Variants in BCKDHA observed in about 807,000 individuals in gnomAD.
BCKDHA encodes branched chain keto acid dehydrogenase E1 subunit alpha.
In BCKDHA, 43 loss-of-function variants were observed where a neutral mutation model predicts 52.2. The observed-to-expected ratio is 0.82, with a 90% confidence interval of 0.64 to 1.06. The LOEUF is 1.06. Among genes scored for constraint, BCKDHA ranks in the 50% least tolerant of loss-of-function variants. The pLI, the probability that BCKDHA is intolerant of heterozygous loss-of-function variation, is 0.00. For synonymous variants in BCKDHA, 234 were observed against 247.9 expected (o/e 0.94, Z 0.53); for missense variants, 527 against 621.3 (o/e 0.85, Z 1.61).
rs982397162 is a variant in BCKDHA, at chr19:41,424,950, C to T, written c.*342C>T. On this transcript the variant is annotated 3_prime_UTR_variant, in exon 9 of 9. Transcript: ENST00000269980. Reference sequence around the variant, plus strand: ...TCAGCCTGTGGAACTTGCGCAGGTGCGAGTGGCCAGCAGAGGTCACGAATA... The same window carrying T: ...TCAGCCTGTGGAACTTGCGCAGGTGTGAGTGGCCAGCAGAGGTCACGAATA... 10 of 261,558 alleles carry T rather than the reference C, an allele frequency of 3.8e-5. No individual in the cohort carries two copies. Among genetic ancestry groups the T allele is most frequent in the African/African-American group, 1.1e-4 (5 of 45,196 alleles). 16.2% of individuals were successfully genotyped at this position (261,558 alleles called of 1,614,324 possible).
intron 1 of BCKDHA, among the ~76,000 whole-genome samples, chr19:41,402,789 T>C (rs2039151484): frequency 1.3e-5 from 2 of 152,086 alleles, no homozygotes; most frequent in South Asian, 2.1e-4. Flanking sequence ...TACAGGTGTG[T>C]GCCACCGTGT....
chr19:41,422,863 T>C (rs745715267), intron 7 of BCKDHA, 93 bp downstream of exon 7: 7 of 1,595,890 alleles, frequency 4.4e-6, no homozygotes, highest in Non-Finnish European at 6.0e-6. Context: ...AACATGGCCT[T>C]ATCACCTGAT....
chr19:41,415,927 G>A (rs1327907272), intron 4 of BCKDHA, among the ~76,000 whole-genome samples: 15 of 148,468 alleles, frequency 1.0e-4, no homozygotes, highest in Non-Finnish European at 1.3e-4. Context: ...GATTACAGGC[G>A]TGAGCCACCA....
intron 5 of BCKDHA, among the ~76,000 whole-genome samples, 192 bp from the exon 6 acceptor site, chr19:41,421,972 C>G (rs2039370616): frequency 1.3e-5 from 2 of 152,078 alleles, no homozygotes; most frequent in Non-Finnish European, 2.9e-5. Flanking sequence ...GGTGGAGTTG[C>G]TTTCAGCTGA....
chr19:41,397,862 G>A lies in BCKDHA; in HGVS notation c.35G>A (p.Arg12Gln), dbSNP rs769659202. 11 of 1,614,084 alleles carry A rather than the reference G, an allele frequency of 6.8e-6. No homozygotes were observed. Among genetic ancestry groups the A allele is most frequent in the Non-Finnish European group, 9.3e-6 (11 of 1,180,058 alleles). The change falls in exon 1 of 9, where the codon CGG becomes CAG. Residue 12 changes from arginine (R) to glutamine (Q), a missense_variant. Coordinates refer to ENST00000269980, the MANE Select transcript of BCKDHA (RefSeq NM_000709.4). ...AVAIAAARVW[R>Q]LNRGLSQAAL... Reference sequence around the variant, plus strand: ...GCGATCGCTGCAGCGAGGGTCTGGCGGCTAAACCGTGGTTTGAGCCAGGCT... The same window carrying A: ...GCGATCGCTGCAGCGAGGGTCTGGCAGCTAAACCGTGGTTTGAGCCAGGCT...
intron 1 of BCKDHA, among the ~76,000 whole-genome samples, chr19:41,406,817 G>A (rs2039198260): frequency 6.6e-6 from 1 of 152,176 alleles, no homozygotes; most frequent in Non-Finnish European, 1.5e-5. Flanking sequence ...TGATCTGCCT[G>A]CCTCGGACTC....
Position 41,424,647 on chromosome 19 carries a change from C to A in BCKDHA, c.*39C>A. On this transcript the variant is annotated 3_prime_UTR_variant, in exon 9 of 9. Transcript: ENST00000269980. ...CACCCCCACCCATCCTCAGCTACCCCGAGAGGTAGCCCCACTCTAAGGGGA... is the reference window on the plus strand; with the variant it reads ...CACCCCCACCCATCCTCAGCTACCCAGAGAGGTAGCCCCACTCTAAGGGGA... 6.4e-7 allele frequency: 1 copy of A among 1,551,676 alleles called. No homozygotes were observed. Among genetic ancestry groups the A allele is most frequent in the South Asian group, 1.2e-5 (1 of 81,808 alleles).
intron 3 of BCKDHA, among the ~76,000 whole-genome samples, chr19:41,412,230 G>A (rs1285333660): frequency 6.7e-6 from 1 of 150,020 alleles, no homozygotes; most frequent in Non-Finnish European, 1.5e-5. Flanking sequence ...CCTCCCAGGC[G>A]TGCTCCTTTG....
At chr19:41,403,891 G>A (rs2039164390) in intron 1 of BCKDHA, among the ~76,000 whole-genome samples, 1 of 152,174 alleles carries the variant, frequency 6.6e-6, no homozygotes, top group African/African-American at 2.4e-5. Context: ...TCCTATGTGG[G>A]TAACCACTAT....
At chr19:41,413,442 T>G (rs540324641) in intron 3 of BCKDHA, among the ~76,000 whole-genome samples, 69 of 152,124 alleles carry the variant, frequency 4.5e-4, no homozygotes, top group African/African-American at 1.5e-3. Context: ...CTCAGACACA[T>G]CCACCTGCTC....
chr19:41,411,356 G>A (rs1266873268), intron 3 of BCKDHA, among the ~76,000 whole-genome samples: 1 of 152,112 alleles, frequency 6.6e-6, no homozygotes, highest in Non-Finnish European at 1.5e-5. Context: ...CCAGGGGACC[G>A]CCCTAGGCCC....
chr19:41,415,946 CTT>C (rs34933875), intron 4 of BCKDHA, among the ~76,000 whole-genome samples: 24 of 137,090 alleles, frequency 1.8e-4, no homozygotes, highest in Non-Finnish European at 1.7e-4. Context: ...CATGCCTGGC[CTT>C]TTTTTTTTTT....
chr19:41,410,714 A>T lies in BCKDHA; in HGVS notation c.186A>T (p.Ile62=), dbSNP rs149251798. ...PQFPGASAEF[I]DKLEFIQPNV... ...TCCCAGGGGCCTCGGCGGAGTTTAT[A>T]GATAAGTTGGAATTCATCCAGCCCA... The change falls in exon 2 of 9, where the codon ATA becomes ATT. Residue 62 remains isoleucine, a synonymous_variant. Transcript: ENST00000269980. The T allele has an allele frequency of 2.5e-6, 4 of 1,614,124 alleles. No individual in the cohort carries two copies. The Admixed American group carries it at 6.7e-5, about 27-fold the overall frequency.
intron 1 of BCKDHA, among the ~76,000 whole-genome samples, chr19:41,402,687 G>C (rs1287871901): frequency 6.6e-6 from 1 of 152,156 alleles, no homozygotes; most frequent in Non-Finnish European, 1.5e-5. Context: ...TGTTACCCAG[G>C]CTGGAGTGCA....
At chr19:41,406,406 A>G (rs903597408) in intron 1 of BCKDHA, among the ~76,000 whole-genome samples, 1 of 151,744 alleles carries the variant, frequency 6.6e-6, no homozygotes, top group Non-Finnish European at 1.5e-5. Flanking sequence ...GTTTGGTTTT[A>G]TTGTTCTTTG....
At position 41,403,158 on chromosome 19, in the gene BCKDHA, C is replaced by T. The variant is rs566180902; in HGVS notation, c.108+5223C>T. Among the ~76,000 whole-genome samples, 109 of 152,314 alleles carry T rather than the reference C, an allele frequency of 7.2e-4. 1 individual carries two copies. The highest frequency in any genetic ancestry group is 1.6e-4 in the Non-Finnish European group (11 of 68,028). ...GACAGTGATACCTGCCTAATCTGCA[C>T]GCCTTTCCCTTCTCACGAGATATTC... On this transcript the variant is annotated intron_variant, in intron 1 of 8. Coordinates refer to ENST00000269980, the MANE Select transcript of BCKDHA (RefSeq NM_000709.4).
intron 5 of BCKDHA, among the ~76,000 whole-genome samples, chr19:41,419,746 CTTTTTTTTTTTTTTTTTT>C (rs201343587): frequency 9.4e-5 from 12 of 127,852 alleles, no homozygotes; most frequent in Non-Finnish European, 1.7e-4. Context: ...GCCCAGCCCA[CTTTTTTTTTTTTTTTTTT>C]TTTTTTTTTT....
intron 4 of BCKDHA, among the ~76,000 whole-genome samples, chr19:41,415,076 G>A (rs937524906): frequency 6.6e-6 from 1 of 152,180 alleles, no homozygotes; most frequent in African/African-American, 2.4e-5. Context: ...CTTCAGCAGG[G>A]CCAGACCACG....
At chr19:41,406,983 C>T (rs2039200371) in intron 1 of BCKDHA, among the ~76,000 whole-genome samples, 1 of 152,230 alleles carries the variant, frequency 6.6e-6, no homozygotes, top group Non-Finnish European at 1.5e-5. Context: ...CCACCTCAGC[C>T]TCCCAAAGTA....
Sources: gnomAD v4.1 joint callset for allele counts (sites outside exome capture counted in the v4.1 genomes callset) on GRCh38, gnomAD v4.1.1 for gene constraint, MANE v1.5 for transcripts, NCBI Gene and HGNC (gene_info 2026-07-23, HGNC 2026-07-21) for gene names.